The following DENND1B variants were observed in gnomAD, a reference collection of about 807,000 sequenced individuals.
The protein encoded by DENND1B is DENN domain containing 1B, also known as DENN domain-containing protein 1B.
Under a neutral mutation model 90.1 loss-of-function variants are expected in DENND1B, and 59 were observed. The ratio of observed to expected loss-of-function variants is 0.65; its 90% confidence interval spans 0.53 to 0.81. DENND1B has a LOEUF of 0.81. Ranked by LOEUF, DENND1B falls within the 40% of genes least tolerant of loss-of-function variation. The pLI, the probability that DENND1B is intolerant of heterozygous loss-of-function variation, is 0.00. For missense variants in DENND1B, 862 were observed against 912.6 expected (o/e 0.94, Z 0.71); for synonymous variants, 337 against 324.6 (o/e 1.04, Z -0.41).
chr1:197,605,684 T>C (rs933317626), intron 13 of DENND1B: 9 of 151,132 alleles, frequency 6.0e-5, no homozygotes, highest in South Asian at 4.2e-4. Context: ...AAAAATTTTA[T>C]AATGAGGTAA....
chr1:197,664,539 C>A (rs1654747479), intron 5 of DENND1B, among the ~76,000 whole-genome samples: 1 of 151,930 alleles, frequency 6.6e-6, no homozygotes, highest in South Asian at 2.1e-4. Context: ...AAGAAGACTT[C>A]CCCCACACTT....
At chr1:197,741,325 G>A (rs1663194298) in intron 2 of DENND1B, among the ~76,000 whole-genome samples, 1 of 152,110 alleles carries the variant, frequency 6.6e-6, no homozygotes, top group Non-Finnish European at 1.5e-5. Flanking sequence ...AACTAAGGAT[G>A]TATTACCCAA....
At position 197,540,993 on chromosome 1, in the gene DENND1B, C is replaced by T. The variant is rs1670295070; in HGVS notation, c.1373G>A (p.Gly458Glu). Residue 458 changes from glycine to glutamate, a missense_variant, in exon 19 of 23, where the codon GGA becomes GAA. Coordinates refer to ENST00000620048, the MANE Select transcript of DENND1B (RefSeq NM_001195215.2). The stretch of plus-strand genomic sequence containing the variant: ...TAGTTTACTCTTCACTTCCTTTAGT[C>T]CCAGCTTTGCATGATTTTTTGCCTA... ...YKFAKNHAKL[G>E]LKEVKSKLKH... 1 of 1,612,456 alleles carries T rather than the reference C, an allele frequency of 6.2e-7. No homozygotes were observed. The highest frequency in any genetic ancestry group is 1.3e-5 in the African/African-American group (1 of 74,836).
At chr1:197,722,015 C>T (rs1358588846) in intron 2 of DENND1B, among the ~76,000 whole-genome samples, 1 of 152,138 alleles carries the variant, frequency 6.6e-6, no homozygotes, top group South Asian at 2.1e-4. Context: ...ATTGGTAGTC[C>T]ATATCTAAAC....
At chr1:197,728,084 T>C (rs1292621470) in intron 2 of DENND1B, among the ~76,000 whole-genome samples, 2 of 152,214 alleles carry the variant, frequency 1.3e-5, no homozygotes, top group African/African-American at 2.4e-5. Flanking sequence ...TATATCTACA[T>C]AGCAGTTCTC....
intron 5 of DENND1B, among the ~76,000 whole-genome samples, chr1:197,663,380 A>T (rs1258931867): frequency 6.6e-6 from 1 of 152,156 alleles, no homozygotes; most frequent in Non-Finnish European, 1.5e-5. Context: ...ATAAAAGTGG[A>T]ACTACTCTAT....
intron 3 of DENND1B, chr1:197,689,033 G>T: frequency 4.6e-6 from 1 of 215,302 alleles, no homozygotes; most frequent in South Asian, 8.1e-5. Context: ...GACTATCATT[G>T]ATGCCCCAGG....
chr1:197,625,739 G>C (rs890203723), intron 10 of DENND1B, among the ~76,000 whole-genome samples: 2 of 152,072 alleles, frequency 1.3e-5, no homozygotes, highest in Non-Finnish European at 2.9e-5. Context: ...AAAGAGTCAA[G>C]ACCCATCAGT....
rs755127111 is a variant in DENND1B, at chr1:197,507,569, T to C, written c.*2891A>G. The C allele has an allele frequency of 1.1e-4, 16 of 151,532 alleles. No homozygotes were observed. Among genetic ancestry groups the C allele is most frequent in the Non-Finnish European group, 1.9e-4 (13 of 67,656 alleles). 9.4% of individuals were successfully genotyped at this position (151,532 alleles called of 1,614,324 possible). ...GGATTCAGAAAGAACCATGACTCCA[T>C]TGCAGGCCAGATAAAGACTATGTAC... is the stretch of plus-strand genomic sequence containing the variant. On this transcript the variant is annotated 3_prime_UTR_variant, in exon 23 of 23. Coordinates refer to ENST00000620048, the MANE Select transcript of DENND1B (RefSeq NM_001195215.2).
At chr1:197,770,871 T>C (rs981174034) in intron 2 of DENND1B, among the ~76,000 whole-genome samples, 7 of 137,862 alleles carry the variant, frequency 5.1e-5, no homozygotes. Flanking sequence ...AATATATATC[T>C]ATAAATATAT....
intron 3 of DENND1B, among the ~76,000 whole-genome samples, chr1:197,679,655 G>T (rs1478760849): frequency 6.7e-6 from 1 of 149,878 alleles, no homozygotes; most frequent in African/African-American, 2.4e-5. Flanking sequence ...TTTTGTGTAT[G>T]TATATATTTA....
chr1:197,692,782 T>C (rs570478950), intron 3 of DENND1B, among the ~76,000 whole-genome samples: 2 of 151,784 alleles, frequency 1.3e-5, no homozygotes, highest in Non-Finnish European at 3.0e-5. Flanking sequence ...TTTTTCAGTA[T>C]GGATTTAAAG....
At chr1:197,519,145 G>A (rs192945086) in intron 20 of DENND1B, among the ~76,000 whole-genome samples, 14 of 151,996 alleles carry the variant, frequency 9.2e-5, no homozygotes, top group African/African-American at 1.9e-4. Flanking sequence ...TTCAGTACTC[G>A]AGTGTTTCTC....
intron 3 of DENND1B, among the ~76,000 whole-genome samples, chr1:197,704,266 T>C (rs1258769162): frequency 6.6e-6 from 1 of 152,106 alleles, no homozygotes; most frequent in Non-Finnish European, 1.5e-5. Context: ...AATCAATCAA[T>C]AAAAAATAAA....
rs142841697 is a variant in DENND1B at position 197,733,547 on chromosome 1, G to A, written c.83-18473C>T. Among the ~76,000 whole-genome samples, 217 of 152,162 alleles carry A rather than the reference G, an allele frequency of 1.4e-3. 2 individuals are homozygous for A. Among genetic ancestry groups the A allele is most frequent in the African/African-American group, 4.7e-3 (193 of 41,490 alleles). ...AGCAGTCGGATTAGCTCTTCTCTTC[G>A]AGAACAAAAGCTCTGTCTTTGTCTT... On this transcript the variant is annotated intron_variant, in intron 2 of 22. Coordinates refer to ENST00000620048, the MANE Select transcript of DENND1B (RefSeq NM_001195215.2).
At chr1:197,631,848 T>C (rs1179424895) in intron 10 of DENND1B, among the ~76,000 whole-genome samples, 2 of 152,138 alleles carry the variant, frequency 1.3e-5, no homozygotes, top group East Asian at 3.8e-4. Flanking sequence ...TGTATATGCA[T>C]ACACATAATT....
chr1:197,596,713 G>A (rs1054306084), intron 13 of DENND1B, among the ~76,000 whole-genome samples: 4 of 151,556 alleles, frequency 2.6e-5, no homozygotes, highest in Middle Eastern at 3.2e-3. Context: ...ATGCAAGAAG[G>A]GTTATTTTTA....
chr1:197,756,163 G>A (rs1654259706), intron 2 of DENND1B, among the ~76,000 whole-genome samples: 1 of 152,234 alleles, frequency 6.6e-6, no homozygotes, highest in Non-Finnish European at 1.5e-5. Flanking sequence ...TTAAGGAACA[G>A]AATATTTTGA....
At chr1:197,750,007 C>T (rs1342512204) in intron 2 of DENND1B, among the ~76,000 whole-genome samples, 2 of 152,072 alleles carry the variant, frequency 1.3e-5, no homozygotes, top group African/African-American at 4.8e-5. Context: ...CCACCACACC[C>T]AGCTAATTCT....
Sources: allele counts gnomAD v4.1 joint callset (sites outside exome capture counted in the v4.1 genomes callset), GRCh38; gene constraint gnomAD v4.1.1; transcripts MANE v1.5; gene names NCBI Gene and HGNC (gene_info 2026-07-23, HGNC 2026-07-21).